Variants in CDH13 observed in about 807,000 individuals in gnomAD.
The protein encoded by CDH13 is cadherin 13, also known as cadherin-13.
Under a neutral mutation model 63.8 loss-of-function variants are expected in CDH13, and 24 were observed. That is an observed-to-expected ratio of 0.38 (90% CI 0.27 to 0.53). CDH13 has a LOEUF of 0.53. Ranked by LOEUF, CDH13 falls within the 20% of genes least tolerant of loss-of-function variation. The pLI, the probability that CDH13 is intolerant of heterozygous loss-of-function variation, is 0.85. For missense variants in CDH13, 1,049 were observed against 903.1 expected (o/e 1.16, Z -2.07); for synonymous variants, 503 against 355.3 (o/e 1.42, Z -4.67).
At position 82,879,686 on chromosome 16, in the gene CDH13, A is replaced by G. The variant is rs565269022; in HGVS notation, c.157+21213A>G. ...ATATATTTTACATAAATTATAATAT[A>G]TAATAATATAACCAGTATGTTTCAT... On this transcript the variant is annotated intron_variant, in intron 2 of 13. Coordinates refer to ENST00000567109, the MANE Select transcript of CDH13 (RefSeq NM_001257.5). Among the ~76,000 whole-genome samples the G allele has an allele frequency of 2.5e-4, 35 of 139,034 alleles. No homozygotes were observed. The South Asian group carries it at 4.8e-3, about 19-fold the overall frequency. 91.2% of individuals were successfully genotyped at this position (139,034 alleles called of 152,430 possible).
At chr16:83,570,842 TTA>T (rs34999304) in intron 7 of CDH13, among the ~76,000 whole-genome samples, 34,600 of 118,068 alleles carry the variant, frequency 0.29, 5,475 homozygotes, top group Middle Eastern at 0.47. Context: ...ATTTATATTT[TTA>T]TATATATAAA....
chr16:83,571,189 C>T (rs1403455375), intron 7 of CDH13, among the ~76,000 whole-genome samples: 2 of 151,802 alleles, frequency 1.3e-5, no homozygotes, highest in African/African-American at 4.8e-5. Flanking sequence ...AAATCTTCAC[C>T]CAATTTGCTC....
chr16:83,297,927 G>A (rs1399848729), intron 5 of CDH13, among the ~76,000 whole-genome samples: 1 of 151,684 alleles, frequency 6.6e-6, no homozygotes, highest in Non-Finnish European at 1.5e-5. Flanking sequence ...GAAAGAAGAT[G>A]GAACCCAGCA....
intron 1 of CDH13, among the ~76,000 whole-genome samples, chr16:82,656,708 C>T (rs1179254391): frequency 6.6e-6 from 1 of 152,104 alleles, no homozygotes; most frequent in Non-Finnish European, 1.5e-5. Context: ...GTTGTACAGC[C>T]CTAAAATACT....
At position 82,672,393 on chromosome 16, in the gene CDH13, A is replaced by G. The variant is rs548822109; in HGVS notation, c.45+45256A>G. Among the ~76,000 whole-genome samples, 3 of 152,230 alleles carry G rather than the reference A, an allele frequency of 2.0e-5. No homozygotes were observed. The East Asian group carries it at 5.8e-4, about 29-fold the overall frequency. ...TTTATTCCTAAACTCCCATGTATGC[A>G]CCACCACCTTAAACTCGGTACATCT... is the stretch of plus-strand genomic sequence containing the variant. On this transcript the variant is annotated intron_variant, in intron 1 of 13. Coordinates refer to ENST00000567109, the MANE Select transcript of CDH13 (RefSeq NM_001257.5).
intron 1 of CDH13, among the ~76,000 whole-genome samples, 170 bp from the exon 2 acceptor site, chr16:82,858,192 C>T (rs1026213668): frequency 1.3e-5 from 2 of 152,222 alleles, no homozygotes; most frequent in East Asian, 3.8e-4. Flanking sequence ...CTCCAAATCT[C>T]AGTGCCAAAA....
At chr16:83,671,198 C>A (rs1914470043) in intron 9 of CDH13, among the ~76,000 whole-genome samples, 1 of 152,160 alleles carries the variant, frequency 6.6e-6, no homozygotes, top group Admixed American at 6.5e-5. Context: ...CTAAAATACC[C>A]AAACTTATGT....
intron 7 of CDH13, among the ~76,000 whole-genome samples, chr16:83,519,208 C>G (rs759943838): frequency 1.3e-5 from 2 of 152,138 alleles, no homozygotes; most frequent in Non-Finnish European, 2.9e-5. Flanking sequence ...AGGAGAAATA[C>G]CAGGAGTCTT....
intron 3 of CDH13, among the ~76,000 whole-genome samples, chr16:83,053,812 G>A (rs1205996211): frequency 6.6e-6 from 1 of 152,060 alleles, no homozygotes; most frequent in Non-Finnish European, 1.5e-5. Flanking sequence ...AACATATACA[G>A]CAGCCCCCCT....
At chr16:82,980,977 C>T (rs1290612753) in intron 2 of CDH13, among the ~76,000 whole-genome samples, 1 of 152,114 alleles carries the variant, frequency 6.6e-6, no homozygotes, top group Non-Finnish European at 1.5e-5. Flanking sequence ...CATGCTGCTG[C>T]TTTTTTCTCA....
chr16:83,528,655 C>G (rs892797328), intron 7 of CDH13, among the ~76,000 whole-genome samples: 3 of 152,184 alleles, frequency 2.0e-5, no homozygotes, highest in Non-Finnish European at 2.9e-5. Context: ...CTCTAAATTT[C>G]CCAACTATCT....
intron 5 of CDH13, among the ~76,000 whole-genome samples, chr16:83,290,484 G>A (rs1424261215): frequency 6.6e-6 from 1 of 152,146 alleles, no homozygotes; most frequent in South Asian, 2.1e-4. Flanking sequence ...TCCTGCCTGT[G>A]ACCATGTAAG....
intron 5 of CDH13, among the ~76,000 whole-genome samples, chr16:83,286,847 T>C (rs920955349): frequency 4.0e-5 from 6 of 151,752 alleles, no homozygotes; most frequent in Admixed American, 6.6e-5. Context: ...TATCTAGATA[T>C]ATACCTCATA....
chr16:83,230,591 A>G lies in CDH13; in HGVS notation c.636+13094A>G, dbSNP rs558730127. On this transcript the variant is annotated intron_variant, in intron 5 of 13. Transcript: ENST00000567109. ...ACCTGAGGTCAGGAGTTTGAGACCA[A>G]CCTGGCAAGAGTGGCCAAAACCCCA... Among the ~76,000 whole-genome samples the G allele has an allele frequency of 8.5e-5, 13 of 152,268 alleles. 1 individual carries two copies. The South Asian group carries it at 2.7e-3, about 32-fold the overall frequency.
intron 10 of CDH13, among the ~76,000 whole-genome samples, chr16:83,684,165 G>A (rs1904280660): frequency 6.6e-6 from 1 of 152,026 alleles, no homozygotes; most frequent in African/African-American, 2.4e-5. Flanking sequence ...TCAGGAGTTC[G>A]AGACCAGCCT....
chr16:82,681,399 G>A (rs553500618), intron 1 of CDH13, among the ~76,000 whole-genome samples: 1 of 152,316 alleles, frequency 6.6e-6, no homozygotes, highest in South Asian at 2.1e-4. Flanking sequence ...ATTTGGGGAG[G>A]TGGAAACGTT....
chr16:83,629,846 G>A (rs1041525878), intron 8 of CDH13, among the ~76,000 whole-genome samples: 6 of 152,228 alleles, frequency 3.9e-5, no homozygotes, highest in Non-Finnish European at 8.8e-5. Context: ...TCAGTCACAT[G>A]AGCTTACACC....
chr16:82,696,802 T>C (rs904451051), intron 1 of CDH13, among the ~76,000 whole-genome samples: 2 of 152,234 alleles, frequency 1.3e-5, no homozygotes, highest in African/African-American at 2.4e-5. Context: ...TGCAATGAGG[T>C]ACTTGTAGTT....
At chr16:83,180,306 A>T (rs2038298195) in intron 4 of CDH13, among the ~76,000 whole-genome samples, 2 of 152,168 alleles carry the variant, frequency 1.3e-5, no homozygotes, top group East Asian at 3.8e-4. Flanking sequence ...GCAAATGAAA[A>T]AATCAGTTAA....
Sources: allele counts gnomAD v4.1 joint callset (sites outside exome capture counted in the v4.1 genomes callset), GRCh38; gene constraint gnomAD v4.1.1; transcripts MANE v1.5; gene names NCBI Gene and HGNC (gene_info 2026-07-23, HGNC 2026-07-21).